PLEKHA8: variants seen among roughly 807,000 people sequenced by gnomAD.
PLEKHA8 encodes pleckstrin homology domain-containing family A member 8.
Under a neutral mutation model 68.2 loss-of-function variants are expected in PLEKHA8, and 36 were observed. The observed-to-expected ratio is 0.53, with a 90% CI of 0.40 to 0.70. The LOEUF (loss-of-function observed/expected upper bound fraction) is 0.70. PLEKHA8 is among the 30% of genes least tolerant of loss of function. PLEKHA8 has a pLI of 0.00. For synonymous variants in PLEKHA8, 211 were observed against 216.1 expected (o/e 0.98, Z 0.20); for missense variants, 505 against 615.4 (o/e 0.82, Z 1.90).
chr7:30,113,713 A>C (rs1232305984), intron 13 of PLEKHA8, among the ~76,000 whole-genome samples: 1 of 152,012 alleles, frequency 6.6e-6, no homozygotes, highest in Non-Finnish European at 1.5e-5. Flanking sequence ...GGACTATCTC[A>C]TTCCTTAGGC....
intron 13 of PLEKHA8, among the ~76,000 whole-genome samples, chr7:30,120,461 A>G (rs2128024635): frequency 6.6e-6 from 1 of 152,346 alleles, no homozygotes; most frequent in South Asian, 2.1e-4. Flanking sequence ...TAACACCTGT[A>G]AAGGAAAGCA....
chr7:30,129,612 T>A, downstream of PLEKHA8: 1 of 367,950 alleles, frequency 2.7e-6, no homozygotes, highest in Non-Finnish European at 5.0e-6. Flanking sequence ...AGGTCACTGC[T>A]ATAAGAACTT....
In PLEKHA8 at chr7:30,058,587, T is replaced by C. The variant is rs561872998; in HGVS notation, c.1040-2297T>C. Among the ~76,000 whole-genome samples the C allele has an allele frequency of 5.9e-5, 9 of 152,134 alleles. No homozygotes were observed. The South Asian group carries it at 1.9e-3, about 32-fold the overall frequency. On this transcript the variant is annotated intron_variant, in intron 9 of 13. Transcript: ENST00000449726. ...TGTCAAAAACCAATTGAACTTATAA[T>C]GCTTATAATATGGGACTGTTTCTGG... is the stretch of plus-strand genomic sequence containing the variant.
At chr7:30,075,488 G>A (rs1253071318) in intron 13 of PLEKHA8, among the ~76,000 whole-genome samples, 1 of 152,156 alleles carries the variant, frequency 6.6e-6, no homozygotes, top group Non-Finnish European at 1.5e-5. Flanking sequence ...CAGTCCCCAA[G>A]TACCAGAGTG....
intron 13 of PLEKHA8, among the ~76,000 whole-genome samples, chr7:30,102,556 TGTG>T (rs1269944801): frequency 4.6e-5 from 7 of 152,154 alleles, no homozygotes; most frequent in Non-Finnish European, 1.0e-4. Flanking sequence ...GTAAACAAAA[TGTG>T]GTATATACAA....
chr7:30,099,773 C>G (rs894416173), intron 13 of PLEKHA8, among the ~76,000 whole-genome samples: 1 of 152,178 alleles, frequency 6.6e-6, no homozygotes, highest in Non-Finnish European at 1.5e-5. Flanking sequence ...TTCACTCTCT[C>G]TGAATTCCCA....
At chr7:30,071,068 A>G (rs970525753) in intron 12 of PLEKHA8, among the ~76,000 whole-genome samples, 1 of 152,226 alleles carries the variant, frequency 6.6e-6, no homozygotes, top group Non-Finnish European at 1.5e-5. Flanking sequence ...ATTTTTCCTG[A>G]ATACCCACTG....
At chr7:30,071,705 C>T (rs1314670941) in intron 12 of PLEKHA8, 7 of 152,154 alleles carry the variant, frequency 4.6e-5, no homozygotes, top group African/African-American at 1.7e-4. Flanking sequence ...TAGATATCCA[C>T]CAGCAGATTT....
intron 12 of PLEKHA8, among the ~76,000 whole-genome samples, chr7:30,064,815 T>TA (rs1215286208): frequency 1.3e-5 from 2 of 152,178 alleles, no homozygotes; most frequent in Non-Finnish European, 2.9e-5. Flanking sequence ...ATGCAGAAGA[T>TA]ACAGGGTTTA....
At chr7:30,092,707 C>T (rs1382661983), downstream of PLEKHA8, among the ~76,000 whole-genome samples, 1 of 152,166 alleles carries the variant, frequency 6.6e-6, no homozygotes, top group South Asian at 2.1e-4. Context: ...CTGGTTGGGC[C>T]GCCGGTCACA....
intron 13 of PLEKHA8, among the ~76,000 whole-genome samples, chr7:30,103,471 A>G (rs1795939543): frequency 6.6e-6 from 1 of 152,264 alleles, no homozygotes; most frequent in Non-Finnish European, 1.5e-5. Context: ...AGGACCTAGA[A>G]TAACCAGAAT....
chr7:30,050,620 T>C, intron 6 of PLEKHA8, 146 bp downstream of exon 6: 1 of 1,131,362 alleles, frequency 8.8e-7, no homozygotes, highest in Non-Finnish European at 1.2e-6. Flanking sequence ...GACTTTCCTC[T>C]TTTGAGTGAG....
exon 13 of PLEKHA8, chr7:30,090,496 C>A: frequency 4.2e-6 from 1 of 236,192 alleles, no homozygotes; most frequent in Non-Finnish European, 8.3e-6. Flanking sequence ...GATGGATGAG[C>A]TGGTAGAAAA....
chr7:30,099,767 C>G (rs770227414), intron 13 of PLEKHA8, among the ~76,000 whole-genome samples: 133 of 152,292 alleles, frequency 8.7e-4, no homozygotes, highest in Admixed American at 1.6e-3. Flanking sequence ...TAATTCTTCA[C>G]TCTCTCTGAA....
At chr7:30,065,591 C>A (rs1222346922) in intron 12 of PLEKHA8, among the ~76,000 whole-genome samples, 7 of 152,016 alleles carry the variant, frequency 4.6e-5, no homozygotes, top group African/African-American at 1.7e-4. Context: ...AGAACTGATA[C>A]CTTGTTTGAA....
At chr7:30,068,498 T>G (rs1298745594) in intron 12 of PLEKHA8, among the ~76,000 whole-genome samples, 1 of 152,254 alleles carries the variant, frequency 6.6e-6, no homozygotes, top group Non-Finnish European at 1.5e-5. Context: ...CTGTCTTCAC[T>G]GGCAGTTTGA....
intron 13 of PLEKHA8, among the ~76,000 whole-genome samples, chr7:30,115,212 C>T (rs1247612996): frequency 6.6e-6 from 1 of 152,110 alleles, no homozygotes; most frequent in Non-Finnish European, 1.5e-5. Context: ...GGAGAGTTTT[C>T]AGACTGTTTC....
chr7:30,079,201 A>G lies in PLEKHA8; in HGVS notation c.*414A>G. 1 of 1,005,932 alleles carries G rather than the reference A, an allele frequency of 9.9e-7. No homozygotes were observed. Among genetic ancestry groups the G allele is most frequent in the South Asian group, 4.2e-5 (1 of 23,610 alleles). 62.3% of individuals were successfully genotyped at this position (1,005,932 alleles called of 1,614,324 possible). The stretch of plus-strand genomic sequence containing the variant: ...CAGTGTTTCAGCCAACTTAGACTAG[A>G]CATTTGGAGGTAGTATAAGCTGCTT... On this transcript the variant is annotated 3_prime_UTR_variant, in exon 14 of 14. Coordinates refer to ENST00000449726, the MANE Select transcript of PLEKHA8 (RefSeq NM_001197026.2).
chr7:30,067,165 TAAA>T (rs1793905861), intron 12 of PLEKHA8, among the ~76,000 whole-genome samples: 2 of 152,244 alleles, frequency 1.3e-5, no homozygotes, highest in African/African-American at 2.4e-5. Context: ...ATAGTCACTA[TAAA>T]GAATTCAGAG....
Sources: gnomAD v4.1 joint callset for allele counts (sites outside exome capture counted in the v4.1 genomes callset) on GRCh38, gnomAD v4.1.1 for gene constraint, MANE v1.5 for transcripts, NCBI Gene and HGNC (gene_info 2026-07-23, HGNC 2026-07-21) for gene names.